The following TMEM123 variants were observed in gnomAD, a reference collection of about 807,000 sequenced individuals.
TMEM123 encodes transmembrane protein 123.
TMEM123 carries 16 observed loss-of-function variants against 19.7 expected under a neutral mutation model. That is an observed-to-expected ratio of 0.81 (90% CI 0.55 to 1.23). The LOEUF (loss-of-function observed/expected upper bound fraction) is 1.23, where lower values mean the gene tolerates loss of function less well. TMEM123 is among the 50% of genes most tolerant of loss of function. The pLI, the probability that TMEM123 is intolerant of heterozygous loss-of-function variation, is 0.00. For missense variants in TMEM123, 313 were observed against 257.8 expected (o/e 1.21, Z -1.47); for synonymous variants, 118 against 99.4 (o/e 1.19, Z -1.12).
At chr11:102,413,312 A>C (rs903983365) in intron 2 of TMEM123, among the ~76,000 whole-genome samples, 3 of 152,164 alleles carry the variant, frequency 2.0e-5, no homozygotes, top group Non-Finnish European at 4.4e-5. Context: ...CTCTGTCAAA[A>C]CTGTTGGAAA....
intron 2 of TMEM123, among the ~76,000 whole-genome samples, chr11:102,446,312 A>T (rs1857882793): frequency 6.6e-6 from 1 of 152,250 alleles, no homozygotes; most frequent in Non-Finnish European, 1.5e-5. Context: ...AAAGTGTGTC[A>T]AACAAGTCCC....
chr11:102,449,839 ATTG>A (rs1203095835), intron 1 of TMEM123, among the ~76,000 whole-genome samples: 2 of 152,232 alleles, frequency 1.3e-5, no homozygotes, highest in African/African-American at 4.8e-5. Flanking sequence ...TCTTAGGAGT[ATTG>A]TTTTGCAGAC....
chr11:102,402,170 T>TC lies in TMEM123; in HGVS notation c.193dup (p.Glu65GlyfsTer19), dbSNP rs1951920036. The stretch of plus-strand genomic sequence containing the variant: ...TGGTTTCACAGTACTGTTGGAAGTT[T>TC]CATTTGTATGGTCAGAAGGCACATG... On this transcript the variant is annotated frameshift_variant, in exon 3 of 5. Transcript: ENST00000398136. LOFTEE classifies it high-confidence loss of function. 1 of 1,614,018 alleles carries TC rather than the reference T, an allele frequency of 6.2e-7. No individual in the cohort carries two copies. Among genetic ancestry groups the TC allele is most frequent in the African/African-American group, 1.3e-5 (1 of 74,922 alleles).
At chr11:102,415,743 A>C (rs1365919132) in intron 2 of TMEM123, among the ~76,000 whole-genome samples, 1 of 152,144 alleles carries the variant, frequency 6.6e-6, no homozygotes, top group East Asian at 1.9e-4. Flanking sequence ...CAAATTAACA[A>C]CCTAACTTTA....
intron 2 of TMEM123, among the ~76,000 whole-genome samples, chr11:102,417,775 T>C (rs1952053522): frequency 6.6e-6 from 1 of 152,066 alleles, no homozygotes. Context: ...AACAGCATGG[T>C]ATCGGTACAG....
chr11:102,428,967 C>A (rs1952152034), intron 2 of TMEM123, among the ~76,000 whole-genome samples: 1 of 152,134 alleles, frequency 6.6e-6, no homozygotes, highest in South Asian at 2.1e-4. Context: ...TTCCTTCAGG[C>A]AAACACCCTT....
chr11:102,432,107 C>T (rs1857716644), intron 2 of TMEM123, among the ~76,000 whole-genome samples: 1 of 152,108 alleles, frequency 6.6e-6, no homozygotes, highest in Non-Finnish European at 1.5e-5. Context: ...GAGTGGGGTG[C>T]TACTCTAAGG....
chr11:102,420,302 C>T (rs1016806801), intron 2 of TMEM123, among the ~76,000 whole-genome samples: 7 of 152,140 alleles, frequency 4.6e-5, no homozygotes, highest in Admixed American at 6.5e-5. Context: ...GTATTACTAA[C>T]GTGACTAAGA....
intron 2 of TMEM123, among the ~76,000 whole-genome samples, chr11:102,407,960 C>A (rs560026065): frequency 7.9e-5 from 12 of 152,310 alleles, no homozygotes; most frequent in African/African-American, 2.6e-4. Context: ...TGCAACGGTA[C>A]AACTGGCACT....
intron 2 of TMEM123, among the ~76,000 whole-genome samples, chr11:102,447,260 C>T (rs1222715387): frequency 1.3e-5 from 2 of 152,206 alleles, no homozygotes; most frequent in Non-Finnish European, 2.9e-5. Flanking sequence ...TTTTAATAAT[C>T]ATTCACAGTG....
chr11:102,397,258 A>G lies in TMEM123; in HGVS notation c.*1609T>C, dbSNP rs1951865440. The G allele has an allele frequency of 2.6e-5, 4 of 152,210 alleles. No homozygotes were observed. Among genetic ancestry groups the G allele is most frequent in the African/African-American group, 9.7e-5 (4 of 41,450 alleles). The allele number at this position is 152,210 out of a possible 1,614,324, so 9.4% of individuals were successfully genotyped here. Reference sequence around the variant, plus strand: ...GAAATGATCCATTTCAAAATTCTTAATATCTAGCGTTCTCTGTAAAACAAA... The same window carrying G: ...GAAATGATCCATTTCAAAATTCTTAGTATCTAGCGTTCTCTGTAAAACAAA... On this transcript the variant is annotated 3_prime_UTR_variant, in exon 5 of 5. Transcript: ENST00000398136.
intron 2 of TMEM123, among the ~76,000 whole-genome samples, chr11:102,430,458 G>A (rs775083198): frequency 6.6e-6 from 1 of 152,168 alleles, no homozygotes; most frequent in East Asian, 1.9e-4. Context: ...TCCTCTGAAG[G>A]CTGGTATCCC....
At chr11:102,422,723 A>G (rs1952097038) in intron 2 of TMEM123, among the ~76,000 whole-genome samples, 1 of 152,226 alleles carries the variant, frequency 6.6e-6, no homozygotes, top group Non-Finnish European at 1.5e-5. Flanking sequence ...AGCATCATGC[A>G]AAATGTATTT....
chr11:102,449,972 A>T (rs1345623792), intron 1 of TMEM123, among the ~76,000 whole-genome samples: 1 of 152,152 alleles, frequency 6.6e-6, no homozygotes, highest in Non-Finnish European at 1.5e-5. Context: ...CTGATTTTCT[A>T]CTATAAACCT....
chr11:102,452,563 C>T lies in TMEM123; in HGVS notation c.61G>A (p.Ala21Thr). The change falls in exon 1 of 5, where the codon GCG becomes ACG. Residue 21 changes from alanine to threonine, a missense_variant. Coordinates refer to ENST00000398136, the MANE Select transcript of TMEM123 (RefSeq NM_052932.3). ...CTTTCATGGGCGGCCCCCAGCAGCG[C>T]TAGCACCTGCAGCGTCCCCAGGAGC... ...ALLLGTLQVL[A>T]LLGAAHESAA... 2 of 1,574,310 alleles carry T rather than the reference C, an allele frequency of 1.3e-6. No individual in the cohort carries two copies. The highest frequency in any genetic ancestry group is 3.3e-4 in the Middle Eastern group (2 of 5,978).
At chr11:102,422,822 T>G (rs1159471370) in intron 2 of TMEM123, among the ~76,000 whole-genome samples, 1 of 152,230 alleles carries the variant, frequency 6.6e-6, no homozygotes, top group African/African-American at 2.4e-5. Flanking sequence ...TATTTAAAAT[T>G]TTTATCCTAA....
chr11:102,452,080 G>A (rs1480548791), intron 1 of TMEM123: 5 of 154,456 alleles, frequency 3.2e-5, no homozygotes, highest in Non-Finnish European at 7.2e-5. Flanking sequence ...GAAATGCCTG[G>A]GGGACGCTTG....
chr11:102,452,599 A>G lies in TMEM123; in HGVS notation c.25T>C (p.Trp9Arg). MGLGARGA[W>R]AALLLGTLQV... is the part of the protein sequence containing the mutation. ...AGCGTCCCCAGGAGCAGCGCGGCCC[A>G]AGCACCTCGCGCGCCGAGTCCCATT... is the stretch of plus-strand genomic sequence containing the variant. The change falls in exon 1 of 5, where the codon TGG becomes CGG. Residue 9 changes from tryptophan (W) to arginine (R), a missense_variant. Physicochemically the swap from Trp to Arg is moderately radical, Grantham distance 101. Coordinates refer to ENST00000398136, the MANE Select transcript of TMEM123 (RefSeq NM_052932.3). 1 of 1,561,920 alleles carries G rather than the reference A, an allele frequency of 6.4e-7. No homozygotes were observed. Among genetic ancestry groups the G allele is most frequent in the Non-Finnish European group, 8.6e-7 (1 of 1,157,222 alleles).
At chr11:102,438,025 G>A (rs1405613474) in intron 2 of TMEM123, among the ~76,000 whole-genome samples, 1 of 151,986 alleles carries the variant, frequency 6.6e-6, no homozygotes, top group Non-Finnish European at 1.5e-5. Context: ...TTTATGCATG[G>A]AGGCAGATAG....
Sources: gnomAD v4.1 joint callset for allele counts (sites outside exome capture counted in the v4.1 genomes callset) on GRCh38, gnomAD v4.1.1 for gene constraint, MANE v1.5 for transcripts, NCBI Gene and HGNC (gene_info 2026-07-23, HGNC 2026-07-21) for gene names.